TMTC1: variants seen among roughly 807,000 people sequenced by gnomAD.
The protein encoded by TMTC1 is protein O-mannosyl-transferase TMTC1.
A neutral mutation model predicts 104.8 loss-of-function variants in TMTC1; 73 were observed. That is an observed-to-expected ratio of 0.70 (90% CI 0.58 to 0.85). The LOEUF (loss-of-function observed/expected upper bound fraction) is 0.85, where lower values mean the gene tolerates loss of function less well. Ranked by LOEUF, TMTC1 falls within the 40% of genes least tolerant of loss-of-function variation. The pLI, the probability that TMTC1 is intolerant of heterozygous loss-of-function variation, is 0.00. For synonymous variants in TMTC1, 434 were observed against 428.7 expected (o/e 1.01, Z -0.15); for missense variants, 1,035 against 1,096.1 (o/e 0.94, Z 0.79).
chr12:29,752,908 T>C (rs1943126952), intron 4 of TMTC1, among the ~76,000 whole-genome samples: 1 of 152,208 alleles, frequency 6.6e-6, no homozygotes, highest in Non-Finnish European at 1.5e-5. Flanking sequence ...GGACAGAGAA[T>C]GTTATTTTCT....
chr12:29,550,933 CAAAAAAAAAAAAAAAAAAA>C lies in TMTC1; in HGVS notation c.1676+5905_1676+5923del, dbSNP rs200605964. On this transcript the variant is annotated intron_variant, in intron 10 of 17. Transcript: ENST00000539277. ...TGGGGGAGAGAGTGGGACTCCATCT[CAAAAAAAAAAAAAAAAAAA>C]AAAAAAAAAAAAAAAAAAAGAGCAG... 4.5e-4 allele frequency among the ~76,000 whole-genome samples: 49 copies of C among 108,330 alleles called. 1 individual carries two copies. Among genetic ancestry groups the C allele is most frequent in the African/African-American group, 1.1e-3 (29 of 25,294 alleles). 71.1% of individuals were successfully genotyped at this position (108,330 alleles called of 152,430 possible).
intron 2 of TMTC1, among the ~76,000 whole-genome samples, chr12:29,759,175 A>G (rs1055692764): frequency 1.3e-5 from 2 of 152,212 alleles, no homozygotes; most frequent in Non-Finnish European, 2.9e-5. Flanking sequence ...GAGAACTAGA[A>G]AAAAGTAAGT....
chr12:29,685,619 T>TA (rs1205940185), intron 5 of TMTC1, among the ~76,000 whole-genome samples: 2 of 151,882 alleles, frequency 1.3e-5, no homozygotes, highest in Admixed American at 6.6e-5. Context: ...TATTTTCTAT[T>TA]AAAAAAACAT....
chr12:29,561,512 A>C (rs1405165994), intron 9 of TMTC1, among the ~76,000 whole-genome samples: 1 of 152,192 alleles, frequency 6.6e-6, no homozygotes, highest in Non-Finnish European at 1.5e-5. Context: ...AGTACTATGG[A>C]AAGCTATTTG....
chr12:29,615,160 T>C (rs545374011), intron 6 of TMTC1, among the ~76,000 whole-genome samples: 2 of 152,330 alleles, frequency 1.3e-5, no homozygotes, highest in South Asian at 2.1e-4. Flanking sequence ...TGGTGGCCTG[T>C]GGCAATTAAA....
At position 29,722,920 on chromosome 12, in the gene TMTC1, C is replaced by CAAAA. The variant is rs60730102; in HGVS notation, c.938+28742_938+28745dup. Among the ~76,000 whole-genome samples, 5 of 104,486 alleles carry CAAAA rather than the reference C, an allele frequency of 4.8e-5. 1 individual carries two copies. Among genetic ancestry groups the CAAAA allele is most frequent in the African/African-American group, 7.3e-5 (2 of 27,302 alleles). The allele number at this position is 104,486 out of a possible 152,430, so 68.5% of individuals were successfully genotyped here. On this transcript the variant is annotated intron_variant, in intron 5 of 17. Transcript: ENST00000539277. ...TGAGCAACAGAGCAAGACTCTGTCT[C>CAAAA]AAAAAAAAAAAAAAAGGAAGAAAGA...
At chr12:29,663,042 A>C in intron 5 of TMTC1, among the ~76,000 whole-genome samples, 1 of 152,206 alleles carries the variant, frequency 6.6e-6, no homozygotes, top group East Asian at 1.9e-4. Flanking sequence ...CTACTGTCCC[A>C]AAATGGGCTT....
intron 2 of TMTC1, among the ~76,000 whole-genome samples, chr12:29,766,570 G>C (rs1457012628): frequency 6.6e-6 from 1 of 152,136 alleles, no homozygotes; most frequent in East Asian, 1.9e-4. Flanking sequence ...TCCTTTGTAA[G>C]GTACCTCAGA....
chr12:29,541,626 T>TTC (rs1234584461), intron 10 of TMTC1, among the ~76,000 whole-genome samples: 1 of 151,986 alleles, frequency 6.6e-6, no homozygotes, highest in African/African-American at 2.4e-5. Flanking sequence ...TTTTCTTTGT[T>TTC]TCTGATACCA....
At chr12:29,523,324 A>G (rs1190032212) in intron 11 of TMTC1, among the ~76,000 whole-genome samples, 1 of 152,224 alleles carries the variant, frequency 6.6e-6, no homozygotes, top group Non-Finnish European at 1.5e-5. Context: ...TACAGACAGA[A>G]AAAGGAAAGC....
Position 29,537,323 on chromosome 12 carries a change from C to CT in TMTC1, c.1677-1007dup, listed in dbSNP as rs35731010. Among the ~76,000 whole-genome samples the CT allele has an allele frequency of 9.6e-3, 1,458 of 152,280 alleles. 17 individuals are homozygous for CT. The highest frequency in any genetic ancestry group is 0.038 in the South Asian group (183 of 4,822). On this transcript the variant is annotated intron_variant, in intron 10 of 17. Coordinates refer to ENST00000539277, the MANE Select transcript of TMTC1 (RefSeq NM_001193451.2). ...GACTATGTGCCATATACCCTCATAT[C>CT]TTTCACATAACATTATTAATGTATT...
rs888879797 is a variant in TMTC1, at chr12:29,692,234, T to G, written c.939-58898A>C. On this transcript the variant is annotated intron_variant, in intron 5 of 17. Transcript: ENST00000539277. Reference sequence around the variant, plus strand: ...CCTCCCTTTCACATAATCATACCACTTTATTCTCATTGCTTCCCATCAACA... The same window carrying G: ...CCTCCCTTTCACATAATCATACCACGTTATTCTCATTGCTTCCCATCAACA... Among the ~76,000 whole-genome samples, 9 of 145,700 alleles carry G rather than the reference T, an allele frequency of 6.2e-5. 2 individuals are homozygous for G. The highest frequency in any genetic ancestry group is 2.3e-4 in the African/African-American group (9 of 39,940).
At chr12:29,659,699 C>T (rs995752830) in intron 5 of TMTC1, among the ~76,000 whole-genome samples, 8 of 151,992 alleles carry the variant, frequency 5.3e-5, no homozygotes, top group African/African-American at 1.7e-4. Flanking sequence ...CCAAATGAAA[C>T]AATAGCAATA....
At position 29,583,547 on chromosome 12, in the gene TMTC1, A is replaced by G. The variant is rs2113879; in HGVS notation, c.1278T>C (p.His426=). 424,132 of 1,612,788 alleles carry G rather than the reference A, an allele frequency of 0.26. 59,150 individuals carry two copies. Among genetic ancestry groups the G allele is most frequent in the East Asian group, 0.48 (21,568 of 44,756 alleles). ...PSMGYCILFV[H]GLSKLCTWLN... ...GCCAAGTGCAGAGCTTGCTCAGTCC[A>G]TGCACAAAAAGGATGCAGTAGCCCA... The change falls in exon 8 of 18, where the codon CAT becomes CAC. Residue 426 remains histidine (H), a synonymous_variant. Coordinates refer to ENST00000539277, the MANE Select transcript of TMTC1 (RefSeq NM_001193451.2).
chr12:29,753,279 G>T (rs1308984748), intron 4 of TMTC1, among the ~76,000 whole-genome samples: 2 of 152,150 alleles, frequency 1.3e-5, no homozygotes, highest in East Asian at 1.9e-4. Flanking sequence ...ACATAACTTT[G>T]TGAAATTCTC....
chr12:29,676,960 T>G (rs1940750163), intron 5 of TMTC1, among the ~76,000 whole-genome samples: 1 of 152,116 alleles, frequency 6.6e-6, no homozygotes, highest in Non-Finnish European at 1.5e-5. Context: ...AGGGCCAAAA[T>G]AATACAATTC....
intron 2 of TMTC1, among the ~76,000 whole-genome samples, chr12:29,764,291 C>A (rs540134664): frequency 6.6e-6 from 1 of 152,278 alleles, no homozygotes; most frequent in South Asian, 2.1e-4. Flanking sequence ...CTATAGAAAC[C>A]TGTCTTTGGA....
chr12:29,618,368 C>A (rs7955968), intron 6 of TMTC1, among the ~76,000 whole-genome samples: 2,930 of 152,194 alleles, frequency 0.019, 109 homozygotes, highest in African/African-American at 0.067. Context: ...CTAGGTCCTA[C>A]ATATATTATT....
chr12:29,748,966 T>C (rs1943022529), intron 5 of TMTC1, among the ~76,000 whole-genome samples: 3 of 152,226 alleles, frequency 2.0e-5, no homozygotes, highest in Non-Finnish European at 4.4e-5. Flanking sequence ...AGGTTATTTA[T>C]GTCTATTGCA....
Sources: gnomAD v4.1 joint callset for allele counts (sites outside exome capture counted in the v4.1 genomes callset) on GRCh38, gnomAD v4.1.1 for gene constraint, MANE v1.5 for transcripts, NCBI Gene and HGNC (gene_info 2026-07-23, HGNC 2026-07-21) for gene names.